FARP1: variants seen among roughly 807,000 people sequenced by gnomAD.
FARP1 encodes the protein FERM, ARH/RhoGEF and pleckstrin domain protein 1, also known as FERM, ARHGEF and pleckstrin domain-containing protein 1.
In FARP1, 52 loss-of-function variants were observed where a neutral mutation model predicts 128.8. The observed-to-expected ratio is 0.40, with a 90% confidence interval of 0.32 to 0.51. FARP1 has a LOEUF of 0.51. Among genes scored for constraint, FARP1 ranks in the 20% least tolerant of loss-of-function variants. FARP1 has a pLI of 0.45. For missense variants in FARP1, 1,333 were observed against 1,367.9 expected, an observed-to-expected ratio of 0.97 and a Z score of 0.40; for synonymous variants, 580 against 551.8, an observed-to-expected ratio of 1.05 and a Z score of -0.72.
chr13:98,203,854 T>C (rs1880105646), intron 1 of FARP1: 1 of 152,238 alleles, frequency 6.6e-6, no homozygotes, highest in African/African-American at 2.4e-5. Context: ...AAATGCTTTT[T>C]AAAGTGTTTG....
chr13:98,397,402 G>C (rs1361993442), intron 13 of FARP1: 1 of 152,216 alleles, frequency 6.6e-6, no homozygotes, highest in Non-Finnish European at 1.5e-5. Context: ...TTGGTGTACA[G>C]ACACAGTCTT....
intron 2 of FARP1, among the ~76,000 whole-genome samples, chr13:98,266,344 T>C (rs1383692767): frequency 6.6e-6 from 1 of 152,194 alleles, no homozygotes; most frequent in Non-Finnish European, 1.5e-5. Flanking sequence ...TTCGGCCACA[T>C]ACTAGCTGTG....
chr13:98,442,721 G>T (rs1382108235), intron 24 of FARP1, among the ~76,000 whole-genome samples: 1 of 152,254 alleles, frequency 6.6e-6, no homozygotes, highest in Non-Finnish European at 1.5e-5. Context: ...GAGGAGCAGG[G>T]AAGAACCCGT....
At position 98,435,537 on chromosome 13, in the gene FARP1, C is replaced by T. The variant is rs536402267; in HGVS notation, c.2144-39C>T. ...GCTGCTAGGGGAAGACCCCTGCCTG[C>T]CTTTCCCGCTGCAGACTGTGTATGT... On this transcript the variant is annotated intron_variant, in intron 18 of 26. Transcript: ENST00000319562. 1.0e-5 allele frequency: 16 copies of T among 1,571,082 alleles called. No individual in the cohort carries two copies. The African/African-American group carries it at 1.5e-4, about 15-fold the overall frequency.
chr13:98,428,928 G>A (rs1245356210), intron 17 of FARP1, among the ~76,000 whole-genome samples: 2 of 152,206 alleles, frequency 1.3e-5, no homozygotes, highest in East Asian at 1.9e-4. Context: ...GCACATGCAC[G>A]CACACACATG....
chr13:98,262,615 G>C (rs904301754), intron 2 of FARP1, among the ~76,000 whole-genome samples: 1 of 152,166 alleles, frequency 6.6e-6, no homozygotes, highest in South Asian at 2.1e-4. Flanking sequence ...TGAAATTCAC[G>C]CATTTTGTGT....
intron 2 of FARP1, among the ~76,000 whole-genome samples, chr13:98,319,679 T>C (rs1886906476): frequency 6.6e-6 from 1 of 152,232 alleles, no homozygotes; most frequent in Admixed American, 6.5e-5. Flanking sequence ...TAAATGTATA[T>C]GAAATATAAA....
chr13:98,142,752 C>G (rs1476229600), upstream of FARP1: 2 of 152,650 alleles, frequency 1.3e-5, no homozygotes, highest in Non-Finnish European at 2.9e-5. Context: ...CCGGCTTCGC[C>G]GTGCACACGT....
chr13:98,167,656 C>T (rs1174159098), intron 1 of FARP1, among the ~76,000 whole-genome samples: 12 of 151,816 alleles, frequency 7.9e-5, no homozygotes, highest in South Asian at 6.3e-4. Flanking sequence ...ATGATCCGCC[C>T]GCCTCAGCCT....
intron 1 of FARP1, among the ~76,000 whole-genome samples, chr13:98,168,496 A>G (rs1166612152): frequency 6.6e-6 from 1 of 152,236 alleles, no homozygotes; most frequent in Non-Finnish European, 1.5e-5. Flanking sequence ...AGAAGTCTTC[A>G]GACTGGGCCA....
intron 2 of FARP1, among the ~76,000 whole-genome samples, chr13:98,217,402 C>T (rs1291296608): frequency 6.6e-6 from 1 of 152,136 alleles, no homozygotes; most frequent in Non-Finnish European, 1.5e-5. Context: ...AGAAGCCCCC[C>T]AGGAGAGCAG....
At chr13:98,389,702 C>T (rs1890234081) in intron 9 of FARP1, 1 of 384,012 alleles carries the variant, frequency 2.6e-6, no homozygotes. Flanking sequence ...AATGGTGTCA[C>T]TTCCATTGAA....
At chr13:98,212,500 G>A (rs1880785490) in intron 1 of FARP1, among the ~76,000 whole-genome samples, 2 of 152,016 alleles carry the variant, frequency 1.3e-5, no homozygotes, top group Admixed American at 1.3e-4. Flanking sequence ...AGAAGCTGAG[G>A]GTGTCATTAG....
intron 2 of FARP1, among the ~76,000 whole-genome samples, chr13:98,265,710 C>T (rs939259605): frequency 1.2e-4 from 18 of 152,222 alleles, no homozygotes; most frequent in East Asian, 1.9e-4. Flanking sequence ...CTCTGAGCTA[C>T]ACCCATCCCT....
chr13:98,329,446 G>A (rs1887391369), intron 2 of FARP1: 1 of 152,228 alleles, frequency 6.6e-6, no homozygotes, highest in Admixed American at 6.5e-5. Context: ...TGGATCACTT[G>A]AGGTCAGGAG....
intron 13 of FARP1, chr13:98,396,263 C>A (rs1373940098): frequency 1.5e-5 from 6 of 399,054 alleles, no homozygotes; most frequent in Admixed American, 4.4e-5. Context: ...AGAGGCATGG[C>A]GGGGCAGCTG....
chr13:98,193,822 T>G (rs925687476), intron 1 of FARP1, among the ~76,000 whole-genome samples: 3 of 152,250 alleles, frequency 2.0e-5, no homozygotes, highest in African/African-American at 7.2e-5. Flanking sequence ...GATTGTGGCC[T>G]GATTTAGTCT....
intron 2 of FARP1, chr13:98,244,694 T>G (rs747600027): frequency 5.6e-6 from 9 of 1,613,842 alleles, no homozygotes; most frequent in Non-Finnish European, 7.6e-6. Flanking sequence ...CTGAAGAGCT[T>G]CTTAATCTTT....
At chr13:98,160,433 G>A (rs1248773852) in intron 1 of FARP1, among the ~76,000 whole-genome samples, 1 of 152,046 alleles carries the variant, frequency 6.6e-6, no homozygotes, top group Admixed American at 6.6e-5. Flanking sequence ...ACATGAGAAT[G>A]GGCTGTGTTT....
Sources: gnomAD v4.1 joint callset for allele counts (sites outside exome capture counted in the v4.1 genomes callset) on GRCh38, gnomAD v4.1.1 for gene constraint, MANE v1.5 for transcripts, NCBI Gene and HGNC (gene_info 2026-07-23, HGNC 2026-07-21) for gene names.